The following DDX5 variants were observed in gnomAD, a reference collection of about 807,000 sequenced individuals.
DDX5 encodes probable ATP-dependent RNA helicase DDX5.
In DDX5, 6 loss-of-function variants were observed where a neutral mutation model predicts 68.6. That is an observed-to-expected ratio of 0.09 (90% CI 0.05 to 0.17). The LOEUF (loss-of-function observed/expected upper bound fraction) is 0.17. DDX5 is among the 10% of genes least tolerant of loss of function. The pLI, the probability that DDX5 is intolerant of heterozygous loss-of-function variation, is 1.00. For synonymous variants in DDX5, 350 were observed against 247.0 expected, an observed-to-expected ratio of 1.42 and a Z score of -3.91; for missense variants, 499 against 756.1, an observed-to-expected ratio of 0.66 and a Z score of 3.99.
At chr17:64,506,595 A>T (rs781853022), upstream of DDX5, 15 of 371,772 alleles carry the variant, frequency 4.0e-5, 1 homozygote, top group Admixed American at 1.7e-4. Flanking sequence ...CCACTCGGAG[A>T]TGTTTACGTC....
At chr17:64,503,889 G>A in intron 4 of DDX5, 21 bp from the exon 5 acceptor site, 1 of 1,613,976 alleles carries the variant, frequency 6.2e-7, no homozygotes, top group East Asian at 2.2e-5. Flanking sequence ...TGAAAGTGGG[G>A]ACAAACAGAA....
chr17:64,504,157 C>T (rs781804703), intron 3 of DDX5, 41 bp from the exon 4 acceptor site: 2 of 1,612,668 alleles, frequency 1.2e-6, no homozygotes, highest in Non-Finnish European at 1.7e-6. Context: ...TTAGTGATGC[C>T]AAGAAAAAGA....
chr17:64,504,088 C>G lies in DDX5; in HGVS notation c.336G>C (p.Gln112His). The change falls in exon 4 of 13, where the codon CAG (glutamine) becomes CAC (histidine). Residue 112 changes from glutamine (Q) to histidine (H), a missense_variant. Coordinates refer to ENST00000225792, the MANE Select transcript of DDX5 (RefSeq NM_004396.5). Reference protein sequence around the residue: ...PANVMDVIARQNFTEPTAIQA... With the variant: ...PANVMDVIARHNFTEPTAIQA... ...GAATAGCAGTGGGTTCAGTGAAATT[C>G]TGTCTTGCAATAACATCCATGACAT... The G allele has an allele frequency of 2.5e-6, 4 of 1,614,150 alleles. No homozygotes were observed. The highest frequency in any genetic ancestry group is 3.4e-6 in the Non-Finnish European group (4 of 1,179,992).
intron 4 of DDX5, 42 bp from the exon 5 acceptor site, chr17:64,503,910 AAT>A: frequency 6.2e-7 from 1 of 1,613,846 alleles, no homozygotes; most frequent in East Asian, 2.2e-5. Context: ...ATCACATTAA[AAT>A]ACTCGTTTTT....
Position 64,499,542 on chromosome 17 carries a change from AAAAC to A in DDX5, c.*377_*380del, listed in dbSNP as rs782217001. The A allele has an allele frequency of 8.2e-5, 19 of 232,206 alleles. No individual in the cohort carries two copies. The highest frequency in any genetic ancestry group is 1.8e-4 in the African/African-American group (8 of 44,896). The allele number at this position is 232,206 out of a possible 1,614,324, so 14.4% of individuals were successfully genotyped here. On this transcript the variant is annotated 3_prime_UTR_variant, in exon 13 of 13. Coordinates refer to ENST00000225792, the MANE Select transcript of DDX5 (RefSeq NM_004396.5). ...TTTCATGGAAAAAAAAAACCAAACA[AAAAC>A]AAAAAAAAAACCAGACCATCTTAAG...
chr17:64,506,105 C>T lies in DDX5; in HGVS notation c.15G>A (p.Ser5=), dbSNP rs1555672493. Residue 5 remains serine (S), a synonymous_variant, in exon 1 of 13, where the codon TCG becomes TCA. Transcript: ENST00000225792. The part of the protein sequence containing the change: MSGY[S]SDRDRGRDRG... ...GGTCCCGGCCGCGGTCTCGGTCACT[C>T]GAATAACCCGACATGGCGTCAATGG... The T allele has an allele frequency of 2.5e-6, 4 of 1,610,492 alleles. No individual in the cohort carries two copies. Among genetic ancestry groups the T allele is most frequent in the Non-Finnish European group, 3.4e-6 (4 of 1,178,640 alleles).
rs1555670777 is a variant in DDX5, at chr17:64,500,204, G to C, written c.1564C>G (p.Leu522Val). ...GTTTTTGCCCCAAAATCTCTTTTAA[G>C]CAGGCTAGAGTAACCTCTGTCATAA... is the stretch of plus-strand genomic sequence containing the variant. ...ENYDRGYSSL[L>V]KRDFGAKTQN... The change falls in exon 13 of 13, where the codon CTT becomes GTT. Residue 522 changes from leucine to valine, a missense_variant. Physicochemically the swap from Leu to Val is conservative, Grantham distance 32. Transcript: ENST00000225792. 1 of 1,614,024 alleles carries C rather than the reference G, an allele frequency of 6.2e-7. No homozygotes were observed. Among genetic ancestry groups the C allele is most frequent in the Non-Finnish European group, 8.5e-7 (1 of 1,180,048 alleles).
chr17:64,498,417 G>C lies in DDX5; in HGVS notation c.*1506C>G, dbSNP rs1197133482. On this transcript the variant is annotated 3_prime_UTR_variant, in exon 13 of 13. Coordinates refer to ENST00000225792, the MANE Select transcript of DDX5 (RefSeq NM_004396.5). ...TACAAATTAAAAGGCCCACGGTTAA[G>C]ACATTAAACAGTAAAATATGTAATA... is the stretch of plus-strand genomic sequence containing the variant. 6.6e-6 allele frequency among the ~76,000 whole-genome samples: 1 copy of C among 152,158 alleles called. No homozygotes were observed. Among genetic ancestry groups the C allele is most frequent in the East Asian group, 1.9e-4 (1 of 5,202 alleles).
At chr17:64,505,685 T>C (rs1296990772) in intron 1 of DDX5, 6 of 1,494,708 alleles carry the variant, frequency 4.0e-6, no homozygotes, top group Non-Finnish European at 5.4e-6. Flanking sequence ...GCTTTGGAAG[T>C]GGTCCCCTCG....
Position 64,500,554 on chromosome 17 carries a change from C to T in DDX5, c.1436G>A (p.Gly479Asp), listed in dbSNP as rs782227243. 2 of 1,613,096 alleles carry T rather than the reference C, an allele frequency of 1.2e-6. No homozygotes were observed. Among genetic ancestry groups the T allele is most frequent in the South Asian group, 1.1e-5 (1 of 90,868 alleles). The change falls in exon 12 of 13, where the codon GGT (glycine) becomes GAT (aspartate). Residue 479 changes from glycine (G) to aspartate (D), a missense_variant. Physicochemically the swap from Gly to Asp is moderately conservative, Grantham distance 94. Around this residue, in one of 5 missense-constraint regions of DDX5, gnomAD observed 171 missense variants for 174.8 expected, o/e 0.98. Transcript: ENST00000225792. Reference sequence around the variant, plus strand: ...TTCCTATCAGTCATCCTTACCTGAACCTCTGTCTTCGACCAACTGAAGCAA... The same window carrying T: ...TTCCTATCAGTCATCCTTACCTGAATCTCTGTCTTCGACCAACTGAAGCAA... The part of the protein sequence containing the change: ...PKLLQLVEDR[G>D]SGRSRGRGGM...
intron 1 of DDX5, chr17:64,505,714 C>T: frequency 6.5e-7 from 1 of 1,534,564 alleles, no homozygotes; most frequent in South Asian, 1.2e-5. Flanking sequence ...GAATGCCCGG[C>T]CACCCCAAAA....
rs781861374 is a variant in DDX5, at chr17:64,500,027, C to T, written c.1741G>A (p.Val581Ile). 2 of 1,614,102 alleles carry T rather than the reference C, an allele frequency of 1.2e-6. No individual in the cohort carries two copies. The highest frequency in any genetic ancestry group is 1.3e-5 in the African/African-American group (1 of 74,946). ...YDSTQQYGSNVPNMHNGMNQQ... is the reference protein window; with the variant it reads ...YDSTQQYGSNIPNMHNGMNQQ... ...TTCATACCATTGTGCATATTTGGAA[C>T]ATTACTTCCGTATTGCTGAGTGCTA... is the stretch of plus-strand genomic sequence containing the variant. Residue 581 changes from valine (V) to isoleucine (I), a missense_variant, in exon 13 of 13, where the codon GTT becomes ATT. Val to Ile is a conservative substitution (Grantham distance 29). Coordinates refer to ENST00000225792, the MANE Select transcript of DDX5 (RefSeq NM_004396.5).
chr17:64,504,573 T>G, intron 2 of DDX5, 104 bp downstream of exon 2: 2 of 1,364,530 alleles, frequency 1.5e-6, no homozygotes, highest in Non-Finnish European at 2.0e-6. Flanking sequence ...TCAGAACATG[T>G]AACTCTACCA....
intron 5 of DDX5, 67 bp from the exon 6 acceptor site, chr17:64,503,638 C>A (rs562187623): frequency 6.3e-7 from 1 of 1,585,826 alleles, no homozygotes; most frequent in Non-Finnish European, 8.6e-7. Context: ...ACTTATTATA[C>A]TAGCAGATCC....
intron 1 of DDX5, chr17:64,505,650 G>C: frequency 7.6e-7 from 1 of 1,307,236 alleles, no homozygotes; most frequent in South Asian, 1.3e-5. Context: ...GATGCCGGCC[G>C]CCCTCCTACC....
chr17:64,505,973 G>T, intron 1 of DDX5, 103 bp downstream of exon 1: 2 of 1,540,748 alleles, frequency 1.3e-6, no homozygotes, highest in Non-Finnish European at 1.7e-6. Context: ...AAGATAGCCC[G>T]GAAAGGCCAA....
upstream of DDX5, chr17:64,506,577 C>T (rs1598161084): frequency 1.9e-5 from 8 of 415,802 alleles, no homozygotes; most frequent in Non-Finnish European, 3.1e-5. Context: ...CAGCCCCGCC[C>T]ACCCTCGCCA....
rs1338857746 is a variant in DDX5, at chr17:64,504,778, G to A, written c.109C>T (p.Pro37Ser). The change falls in exon 2 of 13, where the codon CCT (proline) becomes TCT (serine). Residue 37 changes from proline to serine, a missense_variant. Pro to Ser is a moderately conservative substitution (Grantham distance 74, BLOSUM62 -1). Transcript: ENST00000225792. ...TTCTTTTTAACTAATTTCTCCCCAG[G>A]GTTTCCAAACTTCTTTCCAGATAAG... Reference protein sequence around the residue: ...GPLSGKKFGNPGEKLVKKKWN... With the variant: ...GPLSGKKFGNSGEKLVKKKWN... The A allele has an allele frequency of 1.2e-6, 2 of 1,613,720 alleles. No individual in the cohort carries two copies. Among genetic ancestry groups the A allele is most frequent in the Non-Finnish European group, 1.7e-6 (2 of 1,179,930 alleles).
In DDX5 at chr17:64,506,223, C is replaced by T; in HGVS notation, c.-104G>A. ...CGGCGAAGCCTTGCGGGGGCGGCAGCGGAGGAAGGACACCGATGACACCAG... is the reference window on the plus strand; with the variant it reads ...CGGCGAAGCCTTGCGGGGGCGGCAGTGGAGGAAGGACACCGATGACACCAG... On this transcript the variant is annotated 5_prime_UTR_variant, in exon 1 of 13. Transcript: ENST00000225792. 6.4e-7 allele frequency: 1 copy of T among 1,556,426 alleles called. No individual in the cohort carries two copies. Among genetic ancestry groups the T allele is most frequent in the Admixed American group, 1.9e-5 (1 of 51,400 alleles).
Sources: gnomAD v4.1 joint callset for allele counts (sites outside exome capture counted in the v4.1 genomes callset) on GRCh38, gnomAD v4.1.1 for gene constraint, gnomAD v4.1.1 regional missense constraint, MANE v1.5 for transcripts, NCBI Gene and HGNC (gene_info 2026-07-23, HGNC 2026-07-21) for gene names.